The following KLHL1 variants were observed in gnomAD, a reference collection of about 807,000 sequenced individuals.
The protein encoded by KLHL1 is kelch like family member 1.
KLHL1 carries 47 observed loss-of-function variants against 77.7 expected under a neutral mutation model. The observed-to-expected ratio is 0.60, with a 90% confidence interval of 0.48 to 0.77. The LOEUF is 0.77. Ranked by LOEUF, KLHL1 falls within the 30% of genes least tolerant of loss-of-function variation. The probability of loss-of-function intolerance (pLI) is 0.00; values close to 1 mark genes in which losing one functional copy is unlikely to be tolerated. For missense variants in KLHL1, 925 were observed against 910.8 expected, an observed-to-expected ratio of 1.02 and a Z score of -0.20; for synonymous variants, 360 against 325.2, an observed-to-expected ratio of 1.11 and a Z score of -1.15.
chr13:69,972,654 A>G (rs1296069135), intron 2 of KLHL1, among the ~76,000 whole-genome samples: 1 of 151,876 alleles, frequency 6.6e-6, no homozygotes, highest in Non-Finnish European at 1.5e-5. Context: ...GATAAATAAC[A>G]TTATTTCCAA....
At chr13:69,878,210 T>TTACA (rs1880838667) in intron 5 of KLHL1, among the ~76,000 whole-genome samples, 1 of 152,180 alleles carries the variant, frequency 6.6e-6, no homozygotes, top group Admixed American at 6.5e-5. Flanking sequence ...TACTTACAGA[T>TTACA]TACATGGTTT....
chr13:69,981,521 A>C (rs1884707092), intron 1 of KLHL1, among the ~76,000 whole-genome samples: 1 of 152,050 alleles, frequency 6.6e-6, no homozygotes, highest in Non-Finnish European at 1.5e-5. Context: ...GTAAAAGATG[A>C]CTTTATTTAA....
chr13:69,776,466 T>A (rs1384178738), intron 7 of KLHL1, among the ~76,000 whole-genome samples: 1 of 152,212 alleles, frequency 6.6e-6, no homozygotes, highest in African/African-American at 2.4e-5. Context: ...TTTGTAAAAT[T>A]AAGATTCTGA....
At chr13:69,945,052 C>T (rs1593974293) in intron 3 of KLHL1, among the ~76,000 whole-genome samples, 2 of 128,522 alleles carry the variant, frequency 1.6e-5, no homozygotes, top group South Asian at 2.6e-4. Flanking sequence ...GTGGCGCCAT[C>T]TTGGATCACT....
chr13:69,915,221 T>C (rs1882385550), intron 4 of KLHL1, among the ~76,000 whole-genome samples: 1 of 152,172 alleles, frequency 6.6e-6, no homozygotes, highest in Non-Finnish European at 1.5e-5. Flanking sequence ...ATGACTTTCT[T>C]CACAGAATTG....
intron 4 of KLHL1, among the ~76,000 whole-genome samples, chr13:69,896,333 A>G (rs1881637812): frequency 6.6e-6 from 1 of 152,160 alleles, no homozygotes; most frequent in South Asian, 2.1e-4. Flanking sequence ...AATCCTGGAT[A>G]TTCACTGTAT....
chr13:69,961,516 A>G, intron 2 of KLHL1, 72 bp from the exon 3 acceptor site: 4 of 1,490,204 alleles, frequency 2.7e-6, no homozygotes, highest in Non-Finnish European at 3.7e-6. Flanking sequence ...CCAGAATGCA[A>G]CACAGAGCAC....
intron 7 of KLHL1, among the ~76,000 whole-genome samples, chr13:69,795,652 C>T (rs1877070438): frequency 6.6e-6 from 1 of 152,150 alleles, no homozygotes; most frequent in South Asian, 2.1e-4. Flanking sequence ...TTTTTGTCTA[C>T]TTAAAAACCC....
At position 69,852,514 on chromosome 13, in the gene KLHL1, T is replaced by C. The variant is rs75749044; in HGVS notation, c.1228-13352A>G. Among the ~76,000 whole-genome samples, 352 of 152,074 alleles carry C rather than the reference T, an allele frequency of 2.3e-3. 7 individuals carry two copies. Among genetic ancestry groups the C allele is most frequent in the Admixed American group, 0.017 (263 of 15,202 alleles). On this transcript the variant is annotated intron_variant, in intron 5 of 10. Transcript: ENST00000377844. ...GTTTTAGCCTTATTTCAATTATCTT[T>C]AACTAAAACCTTTTAATTTGACTCA...
At chr13:69,949,314 C>T (rs974358138) in intron 3 of KLHL1, among the ~76,000 whole-genome samples, 1 of 151,346 alleles carries the variant, frequency 6.6e-6, no homozygotes, top group Admixed American at 6.6e-5. Flanking sequence ...CGGAAGTTTT[C>T]AGACTTTCCT....
chr13:70,016,382 C>T (rs921076638), intron 1 of KLHL1, among the ~76,000 whole-genome samples: 4 of 152,192 alleles, frequency 2.6e-5, no homozygotes, highest in African/African-American at 4.8e-5. Flanking sequence ...TGGACCAGGA[C>T]GAGGGAATCC....
At chr13:70,033,532 C>A (rs946279594) in intron 1 of KLHL1, among the ~76,000 whole-genome samples, 10 of 149,086 alleles carry the variant, frequency 6.7e-5, no homozygotes, top group African/African-American at 2.2e-4. Flanking sequence ...TGGTCTCAAT[C>A]TCCGACCTCG....
chr13:69,863,276 A>G (rs1880241607), intron 5 of KLHL1, among the ~76,000 whole-genome samples: 2 of 152,094 alleles, frequency 1.3e-5, no homozygotes, highest in Admixed American at 1.3e-4. Flanking sequence ...GTTATATTTT[A>G]ACTAGAGAAA....
intron 2 of KLHL1, among the ~76,000 whole-genome samples, chr13:69,973,628 G>A (rs1284883213): frequency 6.6e-6 from 1 of 151,690 alleles, no homozygotes; most frequent in Non-Finnish European, 1.5e-5. Context: ...TTTAAGTCAA[G>A]AGCTAGTTTT....
intron 1 of KLHL1, among the ~76,000 whole-genome samples, chr13:69,981,737 AAAC>A (rs1344554052): frequency 1.3e-5 from 2 of 151,978 alleles, no homozygotes; most frequent in East Asian, 3.9e-4. Context: ...ACATTATTTT[AAAC>A]AACATATAGT....
intron 4 of KLHL1, among the ~76,000 whole-genome samples, chr13:69,904,177 A>G (rs1352739647): frequency 6.7e-6 from 1 of 149,822 alleles, no homozygotes; most frequent in Admixed American, 6.7e-5. Flanking sequence ...AATAAAATGC[A>G]TTAAGTTTGG....
intron 7 of KLHL1, among the ~76,000 whole-genome samples, chr13:69,779,327 G>GCC (rs1566241386): frequency 4.9e-5 from 6 of 121,716 alleles, no homozygotes; most frequent in Non-Finnish European, 1.1e-4. Context: ...GTTAAAAAAG[G>GCC]TCTTCCTTCC....
intron 7 of KLHL1, among the ~76,000 whole-genome samples, chr13:69,746,604 T>G (rs566898154): frequency 6.6e-6 from 1 of 152,138 alleles, no homozygotes; most frequent in African/African-American, 2.4e-5. Flanking sequence ...TAATCAGTTT[T>G]TTTTCTCATT....
intron 10 of KLHL1, among the ~76,000 whole-genome samples, chr13:69,705,326 A>G (rs1056511067): frequency 5.9e-4 from 89 of 151,866 alleles, no homozygotes; most frequent in South Asian, 2.1e-4. Context: ...TGGTGTGTGT[A>G]TGCATTCTCT....
Sources: allele counts gnomAD v4.1 joint callset (sites outside exome capture counted in the v4.1 genomes callset), GRCh38; gene constraint gnomAD v4.1.1; transcripts MANE v1.5; gene names NCBI Gene and HGNC (gene_info 2026-07-23, HGNC 2026-07-21).